The following FSTL5 variants were observed in gnomAD, a reference collection of about 807,000 sequenced individuals.
FSTL5 encodes follistatin-related protein 5.
In FSTL5, 62 loss-of-function variants were observed where a neutral mutation model predicts 89.1. That is an observed-to-expected ratio of 0.70 (90% confidence interval 0.57 to 0.86). The LOEUF is 0.86. Ranked by LOEUF, FSTL5 falls within the 40% of genes least tolerant of loss-of-function variation. FSTL5 has a pLI of 0.00. For missense variants in FSTL5, 1,057 were observed against 1,001.6 expected, an observed-to-expected ratio of 1.06 and a Z score of -0.75; for synonymous variants, 383 against 346.2, an observed-to-expected ratio of 1.11 and a Z score of -1.18.
chr4:161,752,722 A>C (rs1312881402), intron 6 of FSTL5, among the ~76,000 whole-genome samples: 9 of 152,142 alleles, frequency 5.9e-5, no homozygotes, highest in African/African-American at 1.9e-4. Context: ...TATGGACTGA[A>C]TTGTGTCTCC....
chr4:162,026,456 C>T (rs1276389872), intron 3 of FSTL5, among the ~76,000 whole-genome samples: 2 of 151,416 alleles, frequency 1.3e-5, no homozygotes, highest in South Asian at 2.1e-4. Flanking sequence ...TACAGGTGCC[C>T]ACCACCACGC....
At chr4:161,822,237 C>T (rs1230979545) in intron 4 of FSTL5, among the ~76,000 whole-genome samples, 1 of 152,148 alleles carries the variant, frequency 6.6e-6, no homozygotes, top group African/African-American at 2.4e-5. Context: ...CTTTTCCAGC[C>T]AGAAACCTCT....
At chr4:161,838,485 C>T (rs1202495000) in intron 4 of FSTL5, among the ~76,000 whole-genome samples, 1 of 152,082 alleles carries the variant, frequency 6.6e-6, no homozygotes, top group Admixed American at 6.6e-5. Flanking sequence ...GGGATTTCAC[C>T]GTGTTAGCCA....
chr4:162,132,068 C>A (rs1480321992), intron 1 of FSTL5, among the ~76,000 whole-genome samples: 1 of 152,192 alleles, frequency 6.6e-6, no homozygotes, highest in African/African-American at 2.4e-5. Context: ...AATAGATTAA[C>A]CTCAAAGCGT....
At chr4:161,832,407 G>A (rs996015312) in intron 4 of FSTL5, among the ~76,000 whole-genome samples, 2 of 152,098 alleles carry the variant, frequency 1.3e-5, no homozygotes, top group Non-Finnish European at 2.9e-5. Flanking sequence ...AATGAGTTAG[G>A]GAGGATTCCC....
chr4:161,711,626 A>G lies in FSTL5; in HGVS notation c.727+47785T>C, dbSNP rs1738783959. 4.6e-5 allele frequency among the ~76,000 whole-genome samples: 7 copies of G among 152,250 alleles called. No homozygotes were observed. The South Asian group carries it at 1.4e-3, about 31-fold the overall frequency. ...TTAGAAGCTATTTTTAACTCATTCTATAAAGTCAATATTACCCTGATACCA... is the reference window on the plus strand; with the variant it reads ...TTAGAAGCTATTTTTAACTCATTCTGTAAAGTCAATATTACCCTGATACCA... On this transcript the variant is annotated intron_variant, in intron 6 of 15. Coordinates refer to ENST00000306100, the MANE Select transcript of FSTL5 (RefSeq NM_020116.5).
intron 15 of FSTL5, among the ~76,000 whole-genome samples, chr4:161,390,889 C>T (rs1290970157): frequency 6.6e-6 from 1 of 152,160 alleles, no homozygotes; most frequent in African/African-American, 2.4e-5. Flanking sequence ...CCCACTGAGG[C>T]TCAATCTCCA....
At chr4:161,834,084 C>T (rs1416125199) in intron 4 of FSTL5, among the ~76,000 whole-genome samples, 3 of 152,190 alleles carry the variant, frequency 2.0e-5, no homozygotes, top group East Asian at 1.9e-4. Flanking sequence ...TCCAACAGCA[C>T]ATCAAAAAGC....
At chr4:162,114,569 T>C (rs985339223) in intron 1 of FSTL5, among the ~76,000 whole-genome samples, 112 of 141,038 alleles carry the variant, frequency 7.9e-4, no homozygotes, top group Middle Eastern at 3.6e-3. Flanking sequence ...CACACACACA[T>C]ATTCTATATG....
intron 2 of FSTL5, among the ~76,000 whole-genome samples, chr4:162,037,162 T>C (rs1435391827): frequency 3.3e-5 from 5 of 151,842 alleles, no homozygotes; most frequent in Non-Finnish European, 7.4e-5. Flanking sequence ...TGACTGATTG[T>C]ATATGGTTAT....
chr4:162,086,204 C>G (rs1018137187), intron 2 of FSTL5, among the ~76,000 whole-genome samples: 1 of 151,870 alleles, frequency 6.6e-6, no homozygotes, highest in Non-Finnish European at 1.5e-5. Context: ...ATTTCTGTAA[C>G]CTAGATTAGA....
At chr4:162,039,625 T>C (rs1375890510) in intron 2 of FSTL5, among the ~76,000 whole-genome samples, 2 of 151,982 alleles carry the variant, frequency 1.3e-5, no homozygotes, top group Non-Finnish European at 2.9e-5. Context: ...TTGACTAATA[T>C]GTACAATAAA....
At chr4:161,698,866 C>A (rs575313545) in intron 6 of FSTL5, among the ~76,000 whole-genome samples, 1 of 152,128 alleles carries the variant, frequency 6.6e-6, no homozygotes, top group African/African-American at 2.4e-5. Context: ...AGGAGAATTG[C>A]TTGAACCCGG....
intron 3 of FSTL5, among the ~76,000 whole-genome samples, chr4:162,031,138 T>C (rs148663967): frequency 6.6e-6 from 1 of 152,338 alleles, no homozygotes; most frequent in African/African-American, 2.4e-5. Flanking sequence ...TGGAAGGTTA[T>C]CTTTAACAAA....
intron 1 of FSTL5, among the ~76,000 whole-genome samples, chr4:162,119,680 A>C (rs554138708): frequency 2.0e-5 from 3 of 152,286 alleles, no homozygotes; most frequent in Admixed American, 2.0e-4. Context: ...AGAACATTCA[A>C]TAGCTTCCTT....
chr4:161,820,980 A>C (rs1294537294), intron 4 of FSTL5, among the ~76,000 whole-genome samples: 1 of 151,820 alleles, frequency 6.6e-6, no homozygotes, highest in Non-Finnish European at 1.5e-5. Context: ...TTACAAATAA[A>C]AAATGTATAT....
chr4:161,645,321 G>A (rs978154194), intron 7 of FSTL5, among the ~76,000 whole-genome samples: 21 of 151,750 alleles, frequency 1.4e-4, no homozygotes, highest in Admixed American at 7.2e-4. Context: ...TTTAAAAAAC[G>A]ATTTTAGAAA....
chr4:161,578,060 A>C (rs1052585382), intron 8 of FSTL5, among the ~76,000 whole-genome samples: 1 of 152,072 alleles, frequency 6.6e-6, no homozygotes, highest in Non-Finnish European at 1.5e-5. Context: ...TCCTCTCAAC[A>C]ATGTTCAGCA....
intron 15 of FSTL5, among the ~76,000 whole-genome samples, chr4:161,449,183 T>C (rs1284671942): frequency 6.6e-6 from 1 of 152,074 alleles, no homozygotes; most frequent in Non-Finnish European, 1.5e-5. Context: ...ATGTAATCAC[T>C]GACTGAAATA....
Sources: gnomAD v4.1 joint callset for allele counts (sites outside exome capture counted in the v4.1 genomes callset) on GRCh38, gnomAD v4.1.1 for gene constraint, MANE v1.5 for transcripts, NCBI Gene and HGNC (gene_info 2026-07-23, HGNC 2026-07-21) for gene names.